Variants in CSGALNACT1 observed in about 807,000 individuals in gnomAD.
CSGALNACT1 encodes chondroitin sulfate N-acetylgalactosaminyltransferase 1.
CSGALNACT1 carries 52 observed loss-of-function variants against 51.0 expected under a neutral mutation model. The observed-to-expected ratio is 1.02, with a 90% CI of 0.82 to 1.29. CSGALNACT1 has a LOEUF of 1.29. Among genes scored for constraint, CSGALNACT1 ranks in the 50% most tolerant of loss-of-function variants. The pLI is 0.00. For synonymous variants in CSGALNACT1, 341 were observed against 254.4 expected, an observed-to-expected ratio of 1.34 and a Z score of -3.24; for missense variants, 935 against 679.2, an observed-to-expected ratio of 1.38 and a Z score of -4.19.
intron 6 of CSGALNACT1, among the ~76,000 whole-genome samples, chr8:19,438,997 C>T (rs2060854017): frequency 6.6e-6 from 1 of 152,178 alleles, no homozygotes; most frequent in Non-Finnish European, 1.5e-5. Context: ...TATGTCTGCC[C>T]CTGAGTACCA....
intron 3 of CSGALNACT1, among the ~76,000 whole-genome samples, chr8:19,534,082 C>T (rs2083295811): frequency 6.6e-6 from 1 of 152,048 alleles, no homozygotes. Flanking sequence ...AAAATATATT[C>T]AGTGATGTGT....
chr8:19,653,015 G>T (rs1486689068), intron 1 of CSGALNACT1, among the ~76,000 whole-genome samples: 1 of 152,088 alleles, frequency 6.6e-6, no homozygotes, highest in African/African-American at 2.4e-5. Flanking sequence ...TTATAAGTTT[G>T]GGAGGCATAA....
chr8:19,405,561 C>G (rs1378816907), exon 10 of CSGALNACT1: 2 of 694,944 alleles, frequency 2.9e-6, no homozygotes, highest in African/African-American at 3.5e-5. Context: ...CTTTGTCAGA[C>G]ACTTCACAGG....
chr8:19,651,907 C>G, intron 1 of CSGALNACT1, among the ~76,000 whole-genome samples: 1 of 134,834 alleles, frequency 7.4e-6, no homozygotes, highest in Middle Eastern at 3.9e-3. Flanking sequence ...TCTACAACCT[C>G]GCTGTCTGTT....
chr8:19,637,703 T>C (rs933828227), intron 1 of CSGALNACT1, among the ~76,000 whole-genome samples: 4 of 152,192 alleles, frequency 2.6e-5, no homozygotes, highest in Non-Finnish European at 5.9e-5. Context: ...AAAAGGTAAT[T>C]GGCAAATAAC....
chr8:19,426,137 A>T (rs1472223239), intron 6 of CSGALNACT1, among the ~76,000 whole-genome samples: 1 of 152,202 alleles, frequency 6.6e-6, no homozygotes, highest in Non-Finnish European at 1.5e-5. Context: ...GGGGTGACCA[A>T]TATCCACTGG....
chr8:19,721,062 A>T (rs574016066), intron 1 of CSGALNACT1, among the ~76,000 whole-genome samples: 1 of 152,346 alleles, frequency 6.6e-6, no homozygotes, highest in African/African-American at 2.4e-5. Context: ...AGAATCAGTG[A>T]CCAAACAGTA....
chr8:19,599,129 C>A (rs1311398853), intron 2 of CSGALNACT1, among the ~76,000 whole-genome samples: 2 of 149,514 alleles, frequency 1.3e-5, no homozygotes, highest in South Asian at 4.3e-4. Flanking sequence ...AAGCACAGGT[C>A]GGGGAGGGGG....
chr8:19,755,454 G>GAAAAAAAAAAAAAAA (rs2065296940), intron 1 of CSGALNACT1, among the ~76,000 whole-genome samples: 1 of 8,352 alleles, frequency 1.2e-4, no homozygotes, highest in Non-Finnish European at 2.8e-4. Context: ...TGTAAAGAAA[G>GAAAAAAAAAAAAAAA]ACAAAAAAAA....
chr8:19,539,674 C>T (rs1462777140), intron 3 of CSGALNACT1, among the ~76,000 whole-genome samples: 1 of 152,188 alleles, frequency 6.6e-6, no homozygotes, highest in African/African-American at 2.4e-5. Context: ...CAGGCCACAA[C>T]AGGAGTATGC....
At chr8:19,741,419 C>T (rs1429667153) in intron 1 of CSGALNACT1, among the ~76,000 whole-genome samples, 5 of 152,006 alleles carry the variant, frequency 3.3e-5, no homozygotes, top group African/African-American at 4.8e-5. Context: ...AAAAATTAGC[C>T]GGGCGTGGTG....
chr8:19,634,227 G>C (rs1020649609), intron 1 of CSGALNACT1, among the ~76,000 whole-genome samples: 2 of 152,158 alleles, frequency 1.3e-5, no homozygotes, highest in African/African-American at 2.4e-5. Context: ...CTATGGACTG[G>C]ATTATTTCCT....
chr8:19,562,249 T>C (rs954044808), intron 3 of CSGALNACT1, among the ~76,000 whole-genome samples: 1 of 152,324 alleles, frequency 6.6e-6, no homozygotes, highest in African/African-American at 2.4e-5. Context: ...TTCATGGTCA[T>C]TGAAAGCTGA....
At chr8:19,527,729 G>A (rs1009423076) in intron 3 of CSGALNACT1, among the ~76,000 whole-genome samples, 1 of 152,170 alleles carries the variant, frequency 6.6e-6, no homozygotes, top group Non-Finnish European at 1.5e-5. Flanking sequence ...GTGGGGTGCT[G>A]AGCTGAAGTA....
At chr8:19,432,342 G>T (rs1390961301) in intron 6 of CSGALNACT1, among the ~76,000 whole-genome samples, 1 of 152,174 alleles carries the variant, frequency 6.6e-6, no homozygotes, top group Non-Finnish European at 1.5e-5. Flanking sequence ...AGGATCCATT[G>T]TACTGGATGA....
intron 3 of CSGALNACT1, among the ~76,000 whole-genome samples, chr8:19,563,290 G>A (rs2041192538): frequency 6.6e-6 from 1 of 152,160 alleles, no homozygotes; most frequent in African/African-American, 2.4e-5. Flanking sequence ...GGGTCAGGGG[G>A]AGGGAGAGCA....
At chr8:19,508,974 T>C (rs1454698264) in intron 3 of CSGALNACT1, among the ~76,000 whole-genome samples, 1 of 152,168 alleles carries the variant, frequency 6.6e-6, no homozygotes, top group Non-Finnish European at 1.5e-5. Flanking sequence ...ATTCCACTCT[T>C]TGGAGAAAAG....
At chr8:19,431,763 T>A (rs1269144400) in intron 6 of CSGALNACT1, among the ~76,000 whole-genome samples, 1 of 152,064 alleles carries the variant, frequency 6.6e-6, no homozygotes, top group Non-Finnish European at 1.5e-5. Context: ...AAACACTTGG[T>A]AGAAATCAGC....
intron 3 of CSGALNACT1, among the ~76,000 whole-genome samples, chr8:19,573,864 A>T (rs1453318080): frequency 2.0e-5 from 3 of 152,170 alleles, no homozygotes; most frequent in Admixed American, 2.0e-4. Flanking sequence ...AAAAGGAGTA[A>T]GAGTCCTTAA....
Sources: gnomAD v4.1 joint callset for allele counts (sites outside exome capture counted in the v4.1 genomes callset) on GRCh38, gnomAD v4.1.1 for gene constraint, MANE v1.5 for transcripts, NCBI Gene and HGNC (gene_info 2026-07-23, HGNC 2026-07-21) for gene names.